CPLANE1: variants seen among roughly 807,000 people sequenced by gnomAD.
CPLANE1 encodes ciliogenesis and planar polarity effector complex subunit 1, also known as ciliogenesis and planar polarity effector 1.
A neutral mutation model predicts 362.5 loss-of-function variants in CPLANE1; 263 were observed. That is an observed-to-expected ratio of 0.73 (90% CI 0.66 to 0.80). The LOEUF is 0.80. CPLANE1 is among the 30% of genes least tolerant of loss of function. The pLI is 0.00. For missense variants in CPLANE1, 3,461 were observed against 3,793.4 expected, an observed-to-expected ratio of 0.91 and a Z score of 2.30; for synonymous variants, 1,212 against 1,302.6, an observed-to-expected ratio of 0.93 and a Z score of 1.50.
At chr5:37,206,471 C>T (rs1171471683) in intron 16 of CPLANE1, 46 bp from the exon 17 acceptor site, 5 of 1,229,420 alleles carry the variant, frequency 4.1e-6, no homozygotes, top group Non-Finnish European at 5.8e-6. Flanking sequence ...CACATCCAAA[C>T]TCATGCTTCT....
intron 4 of CPLANE1, among the ~76,000 whole-genome samples, chr5:37,244,989 A>C (rs1461323662): frequency 6.6e-6 from 1 of 151,842 alleles, no homozygotes; most frequent in African/African-American, 2.4e-5. Context: ...GTCTCTACTA[A>C]AAATACAAAA....
At chr5:37,155,374 AT>A (rs1214689231) in intron 41 of CPLANE1, among the ~76,000 whole-genome samples, 1 of 152,082 alleles carries the variant, frequency 6.6e-6, no homozygotes, top group Non-Finnish European at 1.5e-5. Context: ...ATGAACTTTA[AT>A]TTTCTTTTCT....
intron 38 of CPLANE1, among the ~76,000 whole-genome samples, chr5:37,159,837 T>C (rs1776375998): frequency 6.6e-6 from 1 of 152,208 alleles, no homozygotes; most frequent in Non-Finnish European, 1.5e-5. Flanking sequence ...TAATAAGTCA[T>C]ACTGTTCTTA....
intron 31 of CPLANE1, among the ~76,000 whole-genome samples, chr5:37,175,460 T>A (rs898732789): frequency 2.0e-5 from 3 of 152,212 alleles, no homozygotes; most frequent in African/African-American, 7.2e-5. Flanking sequence ...ATTCTAACTA[T>A]GAAAATTTTT....
intron 38 of CPLANE1, among the ~76,000 whole-genome samples, chr5:37,161,953 G>A (rs1453173053): frequency 6.6e-6 from 1 of 152,188 alleles, no homozygotes; most frequent in Non-Finnish European, 1.5e-5. Context: ...AAGAATTTCT[G>A]TGATAACAAT....
At chr5:37,238,339 AT>A (rs926738400) in intron 8 of CPLANE1, among the ~76,000 whole-genome samples, 111 of 144,454 alleles carry the variant, frequency 7.7e-4, no homozygotes, top group Middle Eastern at 3.6e-3. Context: ...CACTTGGCTA[AT>A]TTTTTTTTTT....
intron 50 of CPLANE1, among the ~76,000 whole-genome samples, chr5:37,119,676 A>C (rs1762066983): frequency 6.9e-6 from 1 of 144,190 alleles, no homozygotes; most frequent in Non-Finnish European, 1.5e-5. Context: ...CGTCTCAAAA[A>C]AATTAAAAAT....
intron 51 of CPLANE1, among the ~76,000 whole-genome samples, 169 bp from the exon 52 acceptor site, chr5:37,108,640 T>C (rs1561276289): frequency 6.6e-6 from 1 of 152,228 alleles, no homozygotes; most frequent in East Asian, 1.9e-4. Flanking sequence ...ATTCCTGTCC[T>C]GTCACTGTAC....
At chr5:37,098,461 A>G in the CPLANE1 span, among the ~76,000 whole-genome samples, 8 of 151,074 alleles carry the variant, frequency 5.3e-5, no homozygotes, top group African/African-American at 1.9e-4. Context: ...TCATCTAGCC[A>G]GAAAATCAAC....
chr5:37,085,062 G>A, the CPLANE1 span: 4 of 699,394 alleles, frequency 5.7e-6, no homozygotes, highest in Admixed American at 7.7e-5. Context: ...AGCCATGGCT[G>A]GTGGTCCCAA....
chr5:37,245,334 TATATATATATATATATAC>T (rs1739262796), intron 4 of CPLANE1, 127 bp downstream of exon 4: 1 of 91,464 alleles, frequency 1.1e-5, no homozygotes. Context: ...TATATATATA[TATATATATATATATATAC>T]ACACACTCAG....
chr5:37,172,141 C>A (rs1580396741), intron 32 of CPLANE1, among the ~76,000 whole-genome samples: 1 of 152,008 alleles, frequency 6.6e-6, no homozygotes, highest in Non-Finnish European at 1.5e-5. Flanking sequence ...TGGCTTCTTT[C>A]TATTTTTAAA....
intron 44 of CPLANE1, chr5:37,141,693 A>T (rs1769765943): frequency 1.0e-6 from 1 of 984,520 alleles, no homozygotes; most frequent in Admixed American, 6.1e-5. Flanking sequence ...AATATTTCCA[A>T]GCCACTGTCA....
intron 41 of CPLANE1, 54 bp from the exon 42 acceptor site, chr5:37,154,047 T>C: frequency 1.4e-6 from 2 of 1,461,950 alleles, no homozygotes; most frequent in East Asian, 2.3e-5. Context: ...GAAGAGGTAT[T>C]ATTGATGATC....
chr5:37,244,129 C>A (rs1314263559), intron 5 of CPLANE1, among the ~76,000 whole-genome samples: 2 of 152,012 alleles, frequency 1.3e-5, no homozygotes, highest in Non-Finnish European at 2.9e-5. Context: ...GGAATACAGG[C>A]GTGAGCCACC....
At chr5:37,152,833 G>A (rs1773959920) in intron 42 of CPLANE1, among the ~76,000 whole-genome samples, 1 of 152,070 alleles carries the variant, frequency 6.6e-6, no homozygotes, top group Admixed American at 6.5e-5. Context: ...AGGCTGCAGT[G>A]AGCCATGATC....
At chr5:37,116,764 G>A (rs922273492) in intron 50 of CPLANE1, among the ~76,000 whole-genome samples, 7 of 152,202 alleles carry the variant, frequency 4.6e-5, no homozygotes, top group Non-Finnish European at 1.0e-4. Context: ...ATGAACTACA[G>A]TGAATTTGAA....
Position 37,169,280 on chromosome 5 carries a change from T to C in CPLANE1, c.6744A>G (p.Gln2248=), listed in dbSNP as rs142772503. The C allele has an allele frequency of 1.0e-4, 168 of 1,614,200 alleles. No individual in the cohort carries two copies. The highest frequency in any genetic ancestry group is 4.8e-4 in the African/African-American group (36 of 75,058). Residue 2248 remains glutamine, a synonymous_variant, in exon 34 of 53, where the codon CAA becomes CAG. Coordinates refer to ENST00000651892, the MANE Select transcript of CPLANE1 (RefSeq NM_001384732.1). ...PLFLHTGSIP[Q]VPFRPLPQPR... ...GTTGTGGCAAAGGCCTGAAGGGAAC[T>C]TGTGGAATACTTCCTGTATGTAAGA...
At chr5:37,243,538 A>G (rs1738365464) in intron 5 of CPLANE1, among the ~76,000 whole-genome samples, 1 of 151,640 alleles carries the variant, frequency 6.6e-6, no homozygotes, top group Non-Finnish European at 1.5e-5. Flanking sequence ...TACCAAGCAG[A>G]TATTTTAAAT....
Sources: gnomAD v4.1 joint callset for allele counts (sites outside exome capture counted in the v4.1 genomes callset) on GRCh38, gnomAD v4.1.1 for gene constraint, MANE v1.5 for transcripts, NCBI Gene and HGNC (gene_info 2026-07-23, HGNC 2026-07-21) for gene names.